Variants in ACBD5 observed in about 807,000 individuals in gnomAD.
ACBD5 encodes acyl-CoA-binding domain-containing protein 5.
A neutral mutation model predicts 71.8 loss-of-function variants in ACBD5; 40 were observed. The observed-to-expected ratio is 0.56, with a 90% CI of 0.43 to 0.72. ACBD5 has a LOEUF of 0.72. ACBD5 is among the 30% of genes least tolerant of loss of function. The pLI is 0.00. For synonymous variants in ACBD5, 229 were observed against 218.6 expected, an observed-to-expected ratio of 1.05 and a Z score of -0.42; for missense variants, 559 against 644.5, an observed-to-expected ratio of 0.87 and a Z score of 1.44.
intron 13 of ACBD5, chr10:27,186,492 A>G: frequency 6.2e-7 from 1 of 1,614,198 alleles, no homozygotes; most frequent in Non-Finnish European, 8.5e-7. Flanking sequence ...TTTTGAAGCC[A>G]GGAATACTGC....
At chr10:27,209,349 T>C (rs894742544) in intron 9 of ACBD5, among the ~76,000 whole-genome samples, 2 of 150,538 alleles carry the variant, frequency 1.3e-5, no homozygotes, top group African/African-American at 2.5e-5. Flanking sequence ...TGTTTGTTTG[T>C]TTCTGAGACA....
chr10:27,185,854 C>T (rs539833333), intron 13 of ACBD5, among the ~76,000 whole-genome samples: 1 of 151,614 alleles, frequency 6.6e-6, no homozygotes, highest in African/African-American at 2.4e-5. Context: ...CTTTGGAAGG[C>T]CAAGGTGGGC....
rs779543620 is a variant in ACBD5 at position 27,235,154 on chromosome 10, T to C, written c.240A>G (p.Ala80=). The C allele has an allele frequency of 1.4e-5, 22 of 1,614,008 alleles. No homozygotes were observed. The highest frequency in any genetic ancestry group is 1.8e-5 in the Non-Finnish European group (21 of 1,179,924). The change falls in exon 3 of 13, where the codon GCA becomes GCG. Residue 80 remains alanine (A), a synonymous_variant. Coordinates refer to ENST00000396271, the MANE Select transcript of ACBD5 (RefSeq NM_145698.5). ...TTGAAAGTTTACAGGGTCCTTCAGT[T>C]GCCTGCTTATAGAAGCTATAAAATT... The part of the protein sequence containing the change: ...MLKFYSFYKQ[A]TEGPCKLSRP...
rs757236410 is a variant in ACBD5, at chr10:27,210,876, G to A, written c.1142C>T (p.Ala381Val). 2 of 1,614,170 alleles carry A rather than the reference G, an allele frequency of 1.2e-6. No homozygotes were observed. The highest frequency in any genetic ancestry group is 2.2e-5 in the East Asian group (1 of 44,882). The change falls in exon 9 of 13, where the codon GCA (alanine) becomes GTA (valine). Residue 381 changes from alanine (A) to valine (V), a missense_variant. Coordinates refer to ENST00000396271, the MANE Select transcript of ACBD5 (RefSeq NM_145698.5). ...GGEDGRNNSG[A>V]PHREKRGGET... ...TCCGCCTCGCTTCTCCCGGTGTGGT[G>A]CTCCGCTGTTATTCCTGCCATCTTC...
At chr10:27,187,917 A>T (rs2058867930) in intron 13 of ACBD5, among the ~76,000 whole-genome samples, 1 of 152,118 alleles carries the variant, frequency 6.6e-6, no homozygotes, top group Non-Finnish European at 1.5e-5. Flanking sequence ...ACAAAACATA[A>T]TTTTCTTTTG....
chr10:27,226,763 T>A (rs2800405), intron 4 of ACBD5, among the ~76,000 whole-genome samples: 3 of 151,504 alleles, frequency 2.0e-5, no homozygotes, highest in Admixed American at 1.3e-4. Flanking sequence ...GCAATTCTCC[T>A]ACATCAGCTG....
At chr10:27,224,505 C>T (rs953596423) in intron 4 of ACBD5, among the ~76,000 whole-genome samples, 2 of 152,118 alleles carry the variant, frequency 1.3e-5, no homozygotes, top group Non-Finnish European at 2.9e-5. Flanking sequence ...TCTAACAGGG[C>T]ACAAAAGTAA....
chr10:27,223,303 G>A (rs1456335755), intron 5 of ACBD5, 35 bp downstream of exon 5: 1 of 1,448,522 alleles, frequency 6.9e-7, no homozygotes, highest in Admixed American at 1.7e-5. Context: ...TAATATATCA[G>A]TTGATGAATT....
intron 8 of ACBD5, among the ~76,000 whole-genome samples, chr10:27,213,574 A>G (rs1444309308): frequency 6.6e-6 from 1 of 152,182 alleles, no homozygotes; most frequent in Non-Finnish European, 1.5e-5. Context: ...CCTGACCAAC[A>G]TGGAGAAACC....
chr10:27,231,109 A>G (rs1397656571), intron 4 of ACBD5, among the ~76,000 whole-genome samples: 1 of 152,224 alleles, frequency 6.6e-6, no homozygotes. Flanking sequence ...AATACTTTCA[A>G]GAGAGTCCAG....
At position 27,204,943 on chromosome 10, in the gene ACBD5, T is replaced by C. The variant is rs56308206; in HGVS notation, c.1455+255A>G. Among the ~76,000 whole-genome samples the C allele has an allele frequency of 3.9e-3, 601 of 152,182 alleles. 3 individuals are homozygous for C. The highest frequency in any genetic ancestry group is 0.013 in the African/African-American group (553 of 41,516). ...GAGATCGAGACCATCTTGGCTAACA[T>C]GGTGAAACCCTGTCTCTACTAAAAA... is the stretch of plus-strand genomic sequence containing the variant. On this transcript the variant is annotated intron_variant, in intron 11 of 12. Transcript: ENST00000396271.
chr10:27,235,624 C>T (rs2064565833), intron 2 of ACBD5, among the ~76,000 whole-genome samples: 1 of 152,158 alleles, frequency 6.6e-6, no homozygotes. Context: ...TATATGTATA[C>T]TCTGCCAAAT....
chr10:27,225,269 C>T (rs959846531), intron 4 of ACBD5, among the ~76,000 whole-genome samples: 5 of 152,050 alleles, frequency 3.3e-5, no homozygotes, highest in Admixed American at 6.6e-5. Context: ...AGGTGTTAGC[C>T]ACTGCGCCTG....
At chr10:27,210,405 T>C (rs2060937995) in intron 9 of ACBD5, among the ~76,000 whole-genome samples, 2 of 152,134 alleles carry the variant, frequency 1.3e-5, no homozygotes, top group African/African-American at 4.8e-5. Flanking sequence ...CTAAAGGAGG[T>C]AAATTTTGAG....
chr10:27,225,091 T>TC, intron 4 of ACBD5, among the ~76,000 whole-genome samples: 1 of 151,130 alleles, frequency 6.6e-6, no homozygotes, highest in South Asian at 2.1e-4. Flanking sequence ...TTTTTTTTTT[T>TC]TGGAGACAGC....
In ACBD5 at chr10:27,231,771, C is replaced by T; in HGVS notation, c.352G>A (p.Ala118Thr). The change falls in exon 4 of 13, where the codon GCA becomes ACA. Residue 118 changes from alanine (A) to threonine (T), a missense_variant. Transcript: ENST00000396271. ...ACCTTTTTCATTTCTTCAACATATGCAATCATGGCTTCCTCTTTGGTCATA... is the reference window on the plus strand; with the variant it reads ...ACCTTTTTCATTTCTTCAACATATGTAATCATGGCTTCCTCTTTGGTCATA... ...GDMTKEEAMI[A>T]YVEEMKKIIE... 1.9e-6 allele frequency: 3 copies of T among 1,613,762 alleles called. No homozygotes were observed. The highest frequency in any genetic ancestry group is 2.5e-6 in the Non-Finnish European group (3 of 1,179,938).
chr10:27,233,604 G>C (rs998510017), intron 3 of ACBD5, among the ~76,000 whole-genome samples: 27 of 152,182 alleles, frequency 1.8e-4, no homozygotes, highest in African/African-American at 6.0e-4. Context: ...TGTGGTCCCA[G>C]CTACTAGGGC....
chr10:27,193,573 G>A (rs564654213), downstream of ACBD5: 3 of 152,348 alleles, frequency 2.0e-5, no homozygotes, highest in East Asian at 5.8e-4. Context: ...AGTCTCCTGT[G>A]TGGGACTTTC....
chr10:27,223,085 T>C lies in ACBD5; in HGVS notation c.490+253A>G, dbSNP rs16927646. 0.045 allele frequency: 29,992 copies of C among 669,148 alleles called. 1,383 individuals are homozygous for C. The highest frequency in any genetic ancestry group is 0.17 in the African/African-American group (9,229 of 54,944). 41.5% of individuals were successfully genotyped at this position (669,148 alleles called of 1,614,324 possible). Reference sequence around the variant, plus strand: ...GTTTATAATGTTTTGGAACTTCATATAATGTGTTTGCCTGGAATGAAAACT... The same window carrying C: ...GTTTATAATGTTTTGGAACTTCATACAATGTGTTTGCCTGGAATGAAAACT... On this transcript the variant is annotated intron_variant, in intron 5 of 12. Transcript: ENST00000396271.
Sources: gnomAD v4.1 joint callset for allele counts (sites outside exome capture counted in the v4.1 genomes callset) on GRCh38, gnomAD v4.1.1 for gene constraint, MANE v1.5 for transcripts, NCBI Gene and HGNC (gene_info 2026-07-23, HGNC 2026-07-21) for gene names.